The following RABGAP1L variants were observed in gnomAD, a reference collection of about 807,000 sequenced individuals.
RABGAP1L encodes rab GTPase-activating protein 1-like.
A neutral mutation model predicts 137.7 loss-of-function variants in RABGAP1L; 63 were observed. The observed-to-expected ratio is 0.46, with a 90% CI of 0.37 to 0.56. The LOEUF (loss-of-function observed/expected upper bound fraction) is 0.56, where lower values mean the gene tolerates loss of function less well. RABGAP1L is among the 20% of genes least tolerant of loss of function. The pLI, the probability that RABGAP1L is intolerant of heterozygous loss-of-function variation, is 0.00. For synonymous variants in RABGAP1L, 431 were observed against 433.7 expected (o/e 0.99, Z 0.08); for missense variants, 1,095 against 1,244.0 (o/e 0.88, Z 1.80).
At chr1:174,403,863 G>T (rs1193625217) in intron 13 of RABGAP1L, among the ~76,000 whole-genome samples, 2 of 148,334 alleles carry the variant, frequency 1.3e-5, no homozygotes, top group East Asian at 2.0e-4. Flanking sequence ...ATTTGACTTT[G>T]TATTGGTTAT....
chr1:174,432,449 C>G (rs1179144580), intron 13 of RABGAP1L, among the ~76,000 whole-genome samples: 1 of 152,096 alleles, frequency 6.6e-6, no homozygotes, highest in Non-Finnish European at 1.5e-5. Context: ...GTAGACTAAG[C>G]CTTGGTAATT....
At chr1:174,632,539 G>A (rs932444095) in intron 13 of RABGAP1L, among the ~76,000 whole-genome samples, 12 of 150,516 alleles carry the variant, frequency 8.0e-5, no homozygotes, top group Non-Finnish European at 1.2e-4. Context: ...CCAATCAGAC[G>A]TAGATTTGGT....
chr1:174,672,938 A>G (rs1013040027), intron 14 of RABGAP1L, among the ~76,000 whole-genome samples: 1 of 152,142 alleles, frequency 6.6e-6, no homozygotes, highest in Non-Finnish European at 1.5e-5. Flanking sequence ...TAGTTCATGG[A>G]AAAGGAACAT....
At chr1:174,567,077 A>C (rs1199798159) in intron 13 of RABGAP1L, among the ~76,000 whole-genome samples, 2 of 152,126 alleles carry the variant, frequency 1.3e-5, no homozygotes, top group Non-Finnish European at 2.9e-5. Context: ...CAGTGACACT[A>C]AATATGTTAA....
intron 8 of RABGAP1L, among the ~76,000 whole-genome samples, chr1:174,273,776 A>T (rs909306210): frequency 5.9e-5 from 9 of 152,142 alleles, no homozygotes; most frequent in Non-Finnish European, 1.3e-4. Flanking sequence ...CAGATTACAG[A>T]ATTATAGAAC....
intron 19 of RABGAP1L, among the ~76,000 whole-genome samples, chr1:174,946,695 G>A (rs1478697710): frequency 2.6e-5 from 4 of 151,800 alleles, no homozygotes; most frequent in African/African-American, 7.3e-5. Flanking sequence ...GAGGTCAGGA[G>A]TTTGAGACCA....
chr1:174,934,378 C>A (rs993751204), intron 19 of RABGAP1L, among the ~76,000 whole-genome samples: 1 of 152,130 alleles, frequency 6.6e-6, no homozygotes, highest in Non-Finnish European at 1.5e-5. Flanking sequence ...TGAGCCACCA[C>A]GCCCGGCCGA....
intron 6 of RABGAP1L, 43 bp downstream of exon 6, chr1:174,250,675 G>A: frequency 6.4e-7 from 1 of 1,557,716 alleles, no homozygotes; most frequent in South Asian, 1.2e-5. Context: ...TGTATCTGGA[G>A]TATAATATAG....
chr1:174,555,550 G>C (rs1318270968), intron 13 of RABGAP1L, among the ~76,000 whole-genome samples: 2 of 151,760 alleles, frequency 1.3e-5, no homozygotes, highest in East Asian at 3.9e-4. Context: ...CAAAAAAAAT[G>C]TATGTTCCCT....
chr1:174,492,350 T>A (rs947854021), intron 13 of RABGAP1L, among the ~76,000 whole-genome samples: 1 of 148,082 alleles, frequency 6.8e-6, no homozygotes, highest in East Asian at 2.0e-4. Flanking sequence ...CTGACTAATT[T>A]TTTTTTTTTT....
intron 13 of RABGAP1L, among the ~76,000 whole-genome samples, chr1:174,395,368 A>G (rs769433674): frequency 1.1e-4 from 17 of 152,180 alleles, no homozygotes; most frequent in Non-Finnish European, 1.9e-4. Context: ...TTACTATCAC[A>G]GGATGCTGCA....
intron 19 of RABGAP1L, among the ~76,000 whole-genome samples, chr1:174,926,754 C>T (rs192693230): frequency 1.4e-3 from 212 of 151,980 alleles, no homozygotes; most frequent in Non-Finnish European, 2.5e-3. Flanking sequence ...CATCATCTTA[C>T]GGCATCAACA....
chr1:174,340,277 C>T (rs1681860441), intron 11 of RABGAP1L, among the ~76,000 whole-genome samples: 1 of 152,108 alleles, frequency 6.6e-6, no homozygotes, highest in African/African-American at 2.4e-5. Context: ...TAGCCAGTAC[C>T]CCATGGAATG....
intron 11 of RABGAP1L, among the ~76,000 whole-genome samples, chr1:174,335,982 T>C (rs1395727173): frequency 1.3e-5 from 2 of 152,232 alleles, no homozygotes; most frequent in East Asian, 1.9e-4. Flanking sequence ...CTTAACACTT[T>C]GTTGTACCTT....
At chr1:174,208,502 G>A (rs1668652294) in intron 1 of RABGAP1L, among the ~76,000 whole-genome samples, 2 of 152,064 alleles carry the variant, frequency 1.3e-5, no homozygotes, top group South Asian at 4.1e-4. Flanking sequence ...TGTTTTATGA[G>A]TGGATGTTGG....
At chr1:174,359,476 AG>A (rs1683951220) in intron 11 of RABGAP1L, among the ~76,000 whole-genome samples, 1 of 152,182 alleles carries the variant, frequency 6.6e-6, no homozygotes, top group Non-Finnish European at 1.5e-5. Context: ...CTGGGCATCA[AG>A]GGGAATTTTA....
chr1:174,674,806 T>A (rs1415570808), intron 14 of RABGAP1L, among the ~76,000 whole-genome samples: 4 of 152,240 alleles, frequency 2.6e-5, no homozygotes, highest in African/African-American at 7.2e-5. Context: ...GGTATCTCAT[T>A]GTGGTTTTGA....
At chr1:174,493,519 AT>A (rs1660454950) in intron 13 of RABGAP1L, among the ~76,000 whole-genome samples, 1 of 151,908 alleles carries the variant, frequency 6.6e-6, no homozygotes, top group African/African-American at 2.4e-5. Flanking sequence ...ATTAAAGTTG[AT>A]GATAATTTTA....
At chr1:174,759,807 C>T (rs1192667475) in intron 18 of RABGAP1L, among the ~76,000 whole-genome samples, 4 of 152,000 alleles carry the variant, frequency 2.6e-5, no homozygotes, top group African/African-American at 9.7e-5. Flanking sequence ...CCAGATCTCA[C>T]GTGAACTCAC....
Sources: gnomAD v4.1 joint callset for allele counts (sites outside exome capture counted in the v4.1 genomes callset) on GRCh38, gnomAD v4.1.1 for gene constraint, MANE v1.5 for transcripts, NCBI Gene and HGNC (gene_info 2026-07-23, HGNC 2026-07-21) for gene names.